Variants in IQCB1 observed in about 807,000 individuals in gnomAD.
IQCB1 encodes IQ calmodulin-binding motif-containing protein 1.
Under a neutral mutation model 84.4 loss-of-function variants are expected in IQCB1, and 56 were observed. That is an observed-to-expected ratio of 0.66 (90% CI 0.54 to 0.83). IQCB1 has a LOEUF of 0.83. Among genes scored for constraint, IQCB1 ranks in the 40% least tolerant of loss-of-function variants. IQCB1 has a pLI of 0.00. For missense variants in IQCB1, 629 were observed against 682.1 expected (o/e 0.92, Z 0.87); for synonymous variants, 210 against 234.8 (o/e 0.89, Z 0.96).
intron 13 of IQCB1, among the ~76,000 whole-genome samples, chr3:121,780,064 G>A (rs1948407315): frequency 6.6e-6 from 1 of 152,158 alleles, no homozygotes; most frequent in Admixed American, 6.5e-5. Flanking sequence ...AATACTCAAG[G>A]GGTAGATTCT....
intron 4 of IQCB1, 103 bp downstream of exon 4, chr3:121,828,367 A>G: frequency 1.1e-6 from 1 of 921,626 alleles, no homozygotes. Context: ...CTACAACAGG[A>G]GGTTGCCAAT....
At chr3:121,790,982 A>G (rs1229764229) in intron 10 of IQCB1, among the ~76,000 whole-genome samples, 8 of 152,086 alleles carry the variant, frequency 5.3e-5, no homozygotes, top group Non-Finnish European at 1.0e-4. Flanking sequence ...GCTTTTATTC[A>G]CCAAAATTTC....
rs1949721069 is a variant in IQCB1, at chr3:121,809,029, C to T, written c.394-20G>A. ...TTCAGCCTTAACATAAAAGATAAGCCCAGTTTACTTTTCTATAGTTTTTTT... is the reference window on the plus strand; with the variant it reads ...TTCAGCCTTAACATAAAAGATAAGCTCAGTTTACTTTTCTATAGTTTTTTT... On this transcript the variant is annotated intron_variant, in intron 5 of 14. Coordinates refer to ENST00000310864, the MANE Select transcript of IQCB1 (RefSeq NM_001023570.4). 1.4e-6 allele frequency: 2 copies of T among 1,455,768 alleles called. No homozygotes were observed. Among genetic ancestry groups the T allele is most frequent in the Middle Eastern group, 1.7e-4 (1 of 5,742 alleles). The allele number at this position is 1,455,768 out of a possible 1,614,324, so 90.2% of individuals were successfully genotyped here. A position where few individuals can be genotyped will look rare whatever the true frequency, so the allele number is the denominator to read the frequency against.
At chr3:121,789,448 T>C (rs1458750988) in intron 11 of IQCB1, among the ~76,000 whole-genome samples, 1 of 151,834 alleles carries the variant, frequency 6.6e-6, no homozygotes, top group African/African-American at 2.4e-5. Context: ...CAGCTGAGAG[T>C]TGAGCTGCAG....
intron 2 of IQCB1, chr3:121,833,983 C>G (rs973711487): frequency 4.6e-5 from 7 of 152,078 alleles, no homozygotes; most frequent in Non-Finnish European, 7.4e-5. Flanking sequence ...TATTTTTTTC[C>G]CAATTTGAAC....
At chr3:121,784,594 C>T (rs1295300599) in intron 12 of IQCB1, among the ~76,000 whole-genome samples, 1 of 152,146 alleles carries the variant, frequency 6.6e-6, no homozygotes, top group African/African-American at 2.4e-5. Flanking sequence ...CTTTGGCTTT[C>T]CTTAGATATT....
At chr3:121,817,825 T>A (rs974905053) in intron 5 of IQCB1, among the ~76,000 whole-genome samples, 3 of 151,880 alleles carry the variant, frequency 2.0e-5, no homozygotes, top group Non-Finnish European at 4.4e-5. Context: ...ATGGGATTAG[T>A]GCCCTTATAA....
chr3:121,772,582 GATCTGTGCT>G lies in IQCB1; in HGVS notation c.1533_1541del (p.Ala512_Ile514del). The G allele has an allele frequency of 1.2e-6, 2 of 1,614,216 alleles. No individual in the cohort carries two copies. The highest frequency in any genetic ancestry group is 1.7e-6 in the Non-Finnish European group (2 of 1,180,036). On this transcript the variant is annotated inframe_deletion, in exon 14 of 15. Coordinates refer to ENST00000310864, the MANE Select transcript of IQCB1 (RefSeq NM_001023570.4). ...TCATTAGCTGTTCAACGTTGGTGCT[GATCTGTGCT>G]ATCAGAGCTTCTCTGTGCTGCTGGG...
intron 2 of IQCB1, among the ~76,000 whole-genome samples, chr3:121,830,345 C>T (rs781103658): frequency 2.0e-5 from 3 of 151,752 alleles, no homozygotes; most frequent in African/African-American, 7.3e-5. Context: ...GCTGAAGAAT[C>T]GCTTGAGAAT....
chr3:121,807,448 A>C lies in IQCB1; in HGVS notation c.488-5T>G. The C allele has an allele frequency of 3.0e-6, 4 of 1,340,044 alleles. No homozygotes were observed. The highest frequency in any genetic ancestry group is 4.3e-6 in the Non-Finnish European group (4 of 932,620). 83.0% of individuals were successfully genotyped at this position (1,340,044 alleles called of 1,614,324 possible). On this transcript the variant is annotated splice_polypyrimidine_tract_variant and splice_region_variant and intron_variant, in intron 6 of 14. Transcript: ENST00000310864. ...AGAAATGATCACTTTGTAGTACTAA[A>C]GGAAAAGAAAAAAAAAGAAAGATTA...
intron 7 of IQCB1, among the ~76,000 whole-genome samples, chr3:121,803,839 C>T (rs537732774): frequency 1.3e-5 from 2 of 152,268 alleles, no homozygotes; most frequent in East Asian, 3.9e-4. Flanking sequence ...GTCTTTATAT[C>T]TAAGGTGCAT....
chr3:121,809,764 T>C (rs4676753), intron 5 of IQCB1, among the ~76,000 whole-genome samples: 97,776 of 151,848 alleles, frequency 0.64, 31,974 homozygotes, highest in African/African-American at 0.72. Flanking sequence ...TTTAGTGGAA[T>C]GTTGGATAAA....
At chr3:121,827,849 C>T (rs1950510611) in intron 4 of IQCB1, among the ~76,000 whole-genome samples, 3 of 152,082 alleles carry the variant, frequency 2.0e-5, no homozygotes, top group African/African-American at 7.2e-5. Flanking sequence ...CAGGAAGTAG[C>T]TTAGGCACTA....
At chr3:121,780,290 CA>C (rs1472870751) in intron 13 of IQCB1, among the ~76,000 whole-genome samples, 1 of 152,194 alleles carries the variant, frequency 6.6e-6, no homozygotes, top group African/African-American at 2.4e-5. Flanking sequence ...CGTTCCCTCT[CA>C]GAGATTATTG....
Position 121,806,562 on chromosome 3 carries a change from G to A in IQCB1, c.587+782C>T, listed in dbSNP as rs969098193. The stretch of plus-strand genomic sequence containing the variant: ...TTATCTCTGTGCTTTTGTTTATGTT[G>A]CCTGGAATTACTGCTTTCTCTTTCT... On this transcript the variant is annotated intron_variant, in intron 7 of 14. Coordinates refer to ENST00000310864, the MANE Select transcript of IQCB1 (RefSeq NM_001023570.4). Among the ~76,000 whole-genome samples, 3 of 151,970 alleles carry A rather than the reference G, an allele frequency of 2.0e-5. No individual in the cohort carries two copies. In the East Asian group the frequency reaches 5.8e-4, roughly 29 times the overall value.
intron 12 of IQCB1, among the ~76,000 whole-genome samples, chr3:121,785,507 A>G (rs1029748862): frequency 5.3e-5 from 8 of 151,882 alleles, no homozygotes; most frequent in Admixed American, 1.3e-4. Context: ...ATTATTTCCC[A>G]TTTTTTTCTT....
chr3:121,804,869 C>T (rs919183718), intron 7 of IQCB1, among the ~76,000 whole-genome samples: 44 of 152,238 alleles, frequency 2.9e-4, no homozygotes, highest in Middle Eastern at 6.8e-3. Context: ...CAAGTTGTCC[C>T]ACAGTTCACT....
In IQCB1 at chr3:121,790,070, C is replaced by T; in HGVS notation, c.1129+3G>A. 4 of 1,612,442 alleles carry T rather than the reference C, an allele frequency of 2.5e-6. No homozygotes were observed. Among genetic ancestry groups the T allele is most frequent in the Non-Finnish European group, 3.4e-6 (4 of 1,178,530 alleles). On this transcript the variant is annotated splice_donor_region_variant and intron_variant, in intron 11 of 14. Transcript: ENST00000310864. ...TATTGATAAAGTTGATACTGCCACT[C>T]ACCTGGATGAACTATTTCGAGCATA...
intron 9 of IQCB1, among the ~76,000 whole-genome samples, chr3:121,796,524 T>C (rs1388109538): frequency 6.6e-6 from 1 of 152,132 alleles, no homozygotes; most frequent in East Asian, 1.9e-4. Flanking sequence ...AAATAATCAA[T>C]AACTTGCTGC....
Sources: gnomAD v4.1 joint callset for allele counts (sites outside exome capture counted in the v4.1 genomes callset) on GRCh38, gnomAD v4.1.1 for gene constraint, MANE v1.5 for transcripts, NCBI Gene and HGNC (gene_info 2026-07-23, HGNC 2026-07-21) for gene names.